LRRC4C: variants seen among roughly 807,000 people sequenced by gnomAD.
LRRC4C encodes leucine-rich repeat-containing protein 4C.
In LRRC4C, 5 loss-of-function variants were observed where a neutral mutation model predicts 33.6. That is an observed-to-expected ratio of 0.15 (90% CI 0.08 to 0.31). The LOEUF is 0.31. LRRC4C is among the 10% of genes least tolerant of loss of function. LRRC4C has a pLI of 1.00. For synonymous variants in LRRC4C, 329 were observed against 302.0 expected, an observed-to-expected ratio of 1.09 and a Z score of -0.93; for missense variants, 560 against 796.7, an observed-to-expected ratio of 0.70 and a Z score of 3.58.
intron 2 of LRRC4C, among the ~76,000 whole-genome samples, chr11:40,674,568 C>T (rs897615683): frequency 1.3e-5 from 2 of 152,054 alleles, no homozygotes; most frequent in Non-Finnish European, 1.5e-5. Context: ...AGACAGTGCA[C>T]GTGGAGATGC....
chr11:40,558,844 C>T (rs190856511), intron 3 of LRRC4C, among the ~76,000 whole-genome samples: 2 of 152,112 alleles, frequency 1.3e-5, no homozygotes, highest in East Asian at 3.9e-4. Context: ...TTTTTCTGCT[C>T]CTCTCCCTCC....
rs1329554709 is a variant in LRRC4C, at chr11:41,456,388, A to T, written c.-496+3043T>A. On this transcript the variant is annotated intron_variant, in intron 1 of 6. Coordinates refer to ENST00000528697, the MANE Select transcript of LRRC4C (RefSeq NM_001258419.2). ...GTGATGTTCCTGGCTTTTTTTTTTT[A>T]AAGGTTCTCAGTAGCTGACTTTCCA... 1.5e-4 allele frequency among the ~76,000 whole-genome samples: 23 copies of T among 150,810 alleles called. No individual in the cohort carries two copies. The East Asian group carries it at 3.7e-3, about 24-fold the overall frequency.
chr11:41,162,527 A>G (rs1944517938), intron 1 of LRRC4C, among the ~76,000 whole-genome samples: 1 of 152,140 alleles, frequency 6.6e-6, no homozygotes, highest in African/African-American at 2.4e-5. Flanking sequence ...CCTAGATGCT[A>G]TATCCTACTA....
At chr11:40,562,233 T>C (rs1328253349) in intron 3 of LRRC4C, among the ~76,000 whole-genome samples, 1 of 152,240 alleles carries the variant, frequency 6.6e-6, no homozygotes, top group East Asian at 1.9e-4. Context: ...TTTATTTATT[T>C]GATTATCAAC....
chr11:41,454,812 AC>A (rs1439315425), intron 1 of LRRC4C, among the ~76,000 whole-genome samples: 2 of 151,872 alleles, frequency 1.3e-5, no homozygotes, highest in African/African-American at 4.8e-5. Context: ...TGGGATTTTT[AC>A]CCCCTGTATA....
Position 40,776,889 on chromosome 11 carries a change from T to C in LRRC4C, c.-406-128611A>G, listed in dbSNP as rs576973176. Among the ~76,000 whole-genome samples, 8 of 152,296 alleles carry C rather than the reference T, an allele frequency of 5.3e-5. No individual in the cohort carries two copies. In the South Asian group the frequency reaches 1.7e-3, roughly 32 times the overall value. On this transcript the variant is annotated intron_variant, in intron 2 of 6. Coordinates refer to ENST00000528697, the MANE Select transcript of LRRC4C (RefSeq NM_001258419.2). ...GAGCTATAAACTTTCCTCTTAATAC[T>C]ACTTTTTTGCATCCCAAATATTTTG...
At chr11:40,478,664 T>C (rs1013990249) in intron 3 of LRRC4C, among the ~76,000 whole-genome samples, 4 of 152,204 alleles carry the variant, frequency 2.6e-5, no homozygotes, top group South Asian at 2.1e-4. Context: ...TTTACATTAG[T>C]AATTTTAAAG....
intron 2 of LRRC4C, among the ~76,000 whole-genome samples, chr11:40,664,937 A>G (rs1341117141): frequency 2.3e-5 from 1 of 43,742 alleles, no homozygotes; most frequent in Admixed American, 2.5e-4. Flanking sequence ...CCCCGACCCC[A>G]CAACAGGCCC....
At chr11:40,804,361 C>T (rs1028260076) in intron 2 of LRRC4C, among the ~76,000 whole-genome samples, 2 of 152,126 alleles carry the variant, frequency 1.3e-5, no homozygotes, top group African/African-American at 4.8e-5. Context: ...ATTTCTAGAG[C>T]CTTGGTTTAA....
At chr11:40,925,923 A>G (rs757515812) in intron 2 of LRRC4C, among the ~76,000 whole-genome samples, 1 of 152,184 alleles carries the variant, frequency 6.6e-6, no homozygotes, top group Non-Finnish European at 1.5e-5. Flanking sequence ...GTTCCTTTCT[A>G]TAACATGGTA....
chr11:40,538,306 C>T (rs1302152249), intron 3 of LRRC4C, among the ~76,000 whole-genome samples: 1 of 152,032 alleles, frequency 6.6e-6, no homozygotes, highest in Non-Finnish European at 1.5e-5. Flanking sequence ...ACACAGGCCC[C>T]AGTGTGTGAT....
Position 40,337,981 on chromosome 11 carries a change from C to A in LRRC4C, c.-269-18260G>T, listed in dbSNP as rs539603044. ...AATTACATGTGGTTCCCTAGATATG[C>A]CCTACAACTCTTACCTTTCTAAAGC... On this transcript the variant is annotated intron_variant, in intron 3 of 6. Transcript: ENST00000528697. 1.2e-4 allele frequency among the ~76,000 whole-genome samples: 19 copies of A among 152,284 alleles called. No individual in the cohort carries two copies. The East Asian group carries it at 3.7e-3, about 29-fold the overall frequency.
At chr11:40,779,780 G>A (rs547718644) in intron 2 of LRRC4C, among the ~76,000 whole-genome samples, 7 of 152,238 alleles carry the variant, frequency 4.6e-5, no homozygotes, top group South Asian at 4.1e-4. Flanking sequence ...TATTTGGGGC[G>A]TTTACACACA....
chr11:40,292,207 A>G (rs1458985992), intron 4 of LRRC4C: 1 of 152,224 alleles, frequency 6.6e-6, no homozygotes, highest in Admixed American at 6.5e-5. Flanking sequence ...TTTCAGACTG[A>G]TCACAGCAAC....
intron 3 of LRRC4C, among the ~76,000 whole-genome samples, chr11:40,499,186 A>C (rs1298532276): frequency 6.6e-6 from 1 of 152,148 alleles, no homozygotes; most frequent in African/African-American, 2.4e-5. Context: ...AACTATCCAC[A>C]TTTGAAGCTG....
intron 1 of LRRC4C, among the ~76,000 whole-genome samples, chr11:41,132,671 T>C (rs1943070436): frequency 6.6e-6 from 1 of 152,176 alleles, no homozygotes; most frequent in Non-Finnish European, 1.5e-5. Flanking sequence ...TTTGTTTTGT[T>C]CAAATTTTCT....
At chr11:40,556,787 C>T (rs1365454413) in intron 3 of LRRC4C, among the ~76,000 whole-genome samples, 2 of 152,146 alleles carry the variant, frequency 1.3e-5, no homozygotes, top group African/African-American at 4.8e-5. Flanking sequence ...TTACAAACTG[C>T]AAGAGATTAA....
intron 1 of LRRC4C, among the ~76,000 whole-genome samples, chr11:41,085,290 C>G (rs1047124820): frequency 1.3e-5 from 2 of 152,048 alleles, no homozygotes; most frequent in Non-Finnish European, 2.9e-5. Context: ...TCATCTTTAC[C>G]CTGGGCTCTC....
intron 3 of LRRC4C, among the ~76,000 whole-genome samples, chr11:40,376,533 C>T (rs1297871559): frequency 1.3e-5 from 2 of 152,096 alleles, no homozygotes; most frequent in Admixed American, 1.3e-4. Context: ...GACTGTTAGT[C>T]ATGGATTTAA....
Sources: allele counts gnomAD v4.1 joint callset (sites outside exome capture counted in the v4.1 genomes callset), GRCh38; gene constraint gnomAD v4.1.1; transcripts MANE v1.5; gene names NCBI Gene and HGNC (gene_info 2026-07-23, HGNC 2026-07-21).